The following CEACAM21 variants were observed in gnomAD, a reference collection of about 807,000 sequenced individuals.
CEACAM21 encodes cell adhesion molecule CEACAM21.
A neutral mutation model predicts 33.2 loss-of-function variants in CEACAM21; 38 were observed. That is an observed-to-expected ratio of 1.14 (90% CI 0.88 to 1.50). The LOEUF (loss-of-function observed/expected upper bound fraction) is 1.50. Among genes scored for constraint, CEACAM21 ranks in the 40% most tolerant of loss-of-function variants. The probability of loss-of-function intolerance (pLI) is 0.00; values close to 1 mark genes in which losing one functional copy is unlikely to be tolerated. For synonymous variants in CEACAM21, 156 were observed against 143.0 expected, an observed-to-expected ratio of 1.09 and a Z score of -0.65; for missense variants, 385 against 364.6, an observed-to-expected ratio of 1.06 and a Z score of -0.46.
At chr19:41,561,455 G>GGAGA (rs201028226) in intron 1 of CEACAM21, among the ~76,000 whole-genome samples, 1 of 149,446 alleles carries the variant, frequency 6.7e-6, no homozygotes, top group African/African-American at 2.5e-5. Context: ...TGGGGGTGGG[G>GGAGA]GAGAGAGAGA....
At chr19:41,569,175 A>G (rs2042444017) in intron 2 of CEACAM21, among the ~76,000 whole-genome samples, 1 of 151,878 alleles carries the variant, frequency 6.6e-6, no homozygotes, top group South Asian at 2.1e-4. Context: ...ATGGTTGATT[A>G]GAGTTAACAA....
At chr19:41,577,095 A>G in intron 1 of CEACAM21, 105 bp from the exon 2 acceptor site, 2 of 1,299,056 alleles carry the variant, frequency 1.5e-6, no homozygotes, top group Non-Finnish European at 1.1e-6. Context: ...ACACACACAC[A>G]CACACCCTCT....
chr19:41,574,260 G>A (rs2122211256), upstream of CEACAM21, among the ~76,000 whole-genome samples: 1 of 152,264 alleles, frequency 6.6e-6, no homozygotes, highest in Admixed American at 6.5e-5. Flanking sequence ...GAACATATAG[G>A]AGTAAAACTT....
At chr19:41,560,852 A>C (rs1437890254) in intron 1 of CEACAM21, among the ~76,000 whole-genome samples, 2 of 152,226 alleles carry the variant, frequency 1.3e-5, no homozygotes, top group Non-Finnish European at 2.9e-5. Flanking sequence ...GAGCGTCTAC[A>C]AAATGCTACA....
At chr19:41,576,623 G>A (rs1458916107) in intron 1 of CEACAM21, among the ~76,000 whole-genome samples, 1 of 152,154 alleles carries the variant, frequency 6.6e-6, no homozygotes. Flanking sequence ...ACACCACCAG[G>A]GCATGAAACT....
Position 41,584,377 on chromosome 19 carries a change from G to T in CEACAM21, c.731G>T (p.Gly244Val). The T allele has an allele frequency of 2.5e-6, 4 of 1,611,858 alleles. No individual in the cohort carries two copies. The highest frequency in any genetic ancestry group is 3.4e-6 in the Non-Finnish European group (4 of 1,178,912). ...SDDNTLGILI[G>V]VLVGSLLVAA... is the part of the protein sequence containing the mutation. ...GACAACACTCTAGGCATCCTGATCG[G>T]GGTCCTGGTTGGGAGTCTTCTGGTG... The change falls in exon 4 of 7, where the codon GGG becomes GTG. Residue 244 changes from glycine (G) to valine (V), a missense_variant. Coordinates refer to ENST00000401445, the MANE Select transcript of CEACAM21 (RefSeq NM_001098506.4).
At chr19:41,567,082 A>G (rs977562705) in intron 2 of CEACAM21, among the ~76,000 whole-genome samples, 2 of 152,070 alleles carry the variant, frequency 1.3e-5, no homozygotes, top group African/African-American at 4.8e-5. Context: ...TATGGTTTAG[A>G]TAGGAATGGT....
intron 2 of CEACAM21, among the ~76,000 whole-genome samples, chr19:41,577,774 A>G (rs989189532): frequency 6.6e-6 from 1 of 152,194 alleles, no homozygotes; most frequent in Non-Finnish European, 1.5e-5. Context: ...CTACAGCAAG[A>G]AGGATAGTCT....
At chr19:41,580,938 G>A (rs1600271739) in intron 3 of CEACAM21, among the ~76,000 whole-genome samples, 1 of 152,318 alleles carries the variant, frequency 6.6e-6, no homozygotes, top group Non-Finnish European at 1.5e-5. Flanking sequence ...TTGCCTAGGG[G>A]CTGCCAGTCA....
At chr19:41,562,251 AC>A (rs2041928007) in intron 1 of CEACAM21, among the ~76,000 whole-genome samples, 1 of 151,446 alleles carries the variant, frequency 6.6e-6, no homozygotes, top group Non-Finnish European at 1.5e-5. Context: ...TCTCAAAAAA[AC>A]AAAACAAAAC....
chr19:41,576,272 A>G lies in CEACAM21; in HGVS notation c.-3A>G, dbSNP rs2042935680. The G allele has an allele frequency of 1.2e-6, 2 of 1,613,810 alleles. No homozygotes were observed. The highest frequency in any genetic ancestry group is 2.2e-5 in the East Asian group (1 of 44,848). ...GAGGAGGACAGAGCAGGCAGCAGAG[A>G]CCATGGGGCCCCCCTCAGCTTGTCC... On this transcript the variant is annotated 5_prime_UTR_variant, in exon 1 of 7. Coordinates refer to ENST00000401445, the MANE Select transcript of CEACAM21 (RefSeq NM_001098506.4).
At chr19:41,585,758 G>A in intron 5 of CEACAM21, 82 bp from the exon 6 acceptor site, 2 of 1,424,112 alleles carry the variant, frequency 1.4e-6, no homozygotes. Context: ...AATTCTCTAA[G>A]AACTGAGGAC....
At chr19:41,572,450 G>A (rs1011661685), upstream of CEACAM21, among the ~76,000 whole-genome samples, 1 of 152,140 alleles carries the variant, frequency 6.6e-6, no homozygotes, top group Non-Finnish European at 1.5e-5. Flanking sequence ...AGGCAGGAGC[G>A]ATGGGAAGCT....
intron 1 of CEACAM21, among the ~76,000 whole-genome samples, chr19:41,558,244 C>T (rs1179621256): frequency 2.0e-5 from 3 of 152,172 alleles, no homozygotes; most frequent in African/African-American, 7.2e-5. Context: ...TAAGGCAAAA[C>T]ACATAGATGA....
chr19:41,550,868 C>T (rs1030077020), intron 1 of CEACAM21, among the ~76,000 whole-genome samples: 1 of 152,122 alleles, frequency 6.6e-6, no homozygotes, highest in African/African-American at 2.4e-5. Flanking sequence ...ATTTTTTCTA[C>T]TGAATGGATG....
chr19:41,571,888 G>A (rs535586143), upstream of CEACAM21, among the ~76,000 whole-genome samples: 1 of 152,038 alleles, frequency 6.6e-6, no homozygotes, highest in East Asian at 1.9e-4. Flanking sequence ...CAGACCCTGG[G>A]CAGAATCTGT....
intron 2 of CEACAM21, among the ~76,000 whole-genome samples, chr19:41,578,836 T>G (rs1439638667): frequency 6.6e-6 from 1 of 152,146 alleles, no homozygotes; most frequent in Non-Finnish European, 1.5e-5. Context: ...GGACTCAGCT[T>G]TCTCTTCCCA....
chr19:41,555,784 C>G (rs924185992), intron 1 of CEACAM21, among the ~76,000 whole-genome samples: 1 of 152,178 alleles, frequency 6.6e-6, no homozygotes, highest in African/African-American at 2.4e-5. Context: ...TTTTCACAGC[C>G]TTTAAACTGT....
chr19:41,578,957 A>G (rs1416187962), intron 2 of CEACAM21, among the ~76,000 whole-genome samples: 3 of 152,232 alleles, frequency 2.0e-5, no homozygotes, highest in African/African-American at 7.2e-5. Flanking sequence ...ACCTCTTTAC[A>G]GACTGGGTCC....
Sources: allele counts gnomAD v4.1 joint callset (sites outside exome capture counted in the v4.1 genomes callset), GRCh38; gene constraint gnomAD v4.1.1; transcripts MANE v1.5; gene names NCBI Gene and HGNC (gene_info 2026-07-23, HGNC 2026-07-21).